INPP4B: variants seen among roughly 807,000 people sequenced by gnomAD.
INPP4B encodes inositol polyphosphate 4-phosphatase type II.
INPP4B carries 55 observed loss-of-function variants against 122.5 expected under a neutral mutation model. That is an observed-to-expected ratio of 0.45 (90% CI 0.36 to 0.56). INPP4B has a LOEUF of 0.56. Ranked by LOEUF, INPP4B falls within the 20% of genes least tolerant of loss-of-function variation. The probability of loss-of-function intolerance (pLI) is 0.00; values close to 1 mark genes in which losing one functional copy is unlikely to be tolerated. For synonymous variants in INPP4B, 403 were observed against 388.7 expected, an observed-to-expected ratio of 1.04 and a Z score of -0.43; for missense variants, 1,000 against 1,097.7, an observed-to-expected ratio of 0.91 and a Z score of 1.26.
intron 9 of INPP4B, among the ~76,000 whole-genome samples, chr4:142,273,667 T>C (rs1246787302): frequency 2.0e-5 from 3 of 151,938 alleles, no homozygotes; most frequent in Non-Finnish European, 4.4e-5. Flanking sequence ...TTTCCTTATC[T>C]TCTATAGGCT....
chr4:142,726,299 CT>C (rs1765340373), intron 1 of INPP4B, among the ~76,000 whole-genome samples: 1 of 152,156 alleles, frequency 6.6e-6, no homozygotes, highest in Non-Finnish European at 1.5e-5. Context: ...TTAAAATTAT[CT>C]AAATTGACTT....
chr4:142,411,522 T>G (rs1010833051), intron 5 of INPP4B, among the ~76,000 whole-genome samples: 1 of 152,056 alleles, frequency 6.6e-6, no homozygotes, highest in African/African-American at 2.4e-5. Context: ...ATGGGAGAGA[T>G]AAATCCATGC....
intron 9 of INPP4B, among the ~76,000 whole-genome samples, chr4:142,302,357 G>T (rs1378280423): frequency 6.6e-6 from 1 of 152,110 alleles, no homozygotes; most frequent in African/African-American, 2.4e-5. Context: ...CATTAGTAAG[G>T]TATGTGATAT....
chr4:142,279,477 A>T (rs1011212108), intron 9 of INPP4B, among the ~76,000 whole-genome samples: 7 of 151,914 alleles, frequency 4.6e-5, no homozygotes, highest in Non-Finnish European at 7.4e-5. Flanking sequence ...ACAAAGTTAC[A>T]GGCAATGGAA....
intron 2 of INPP4B, among the ~76,000 whole-genome samples, chr4:142,645,765 A>G (rs1039749853): frequency 6.6e-6 from 1 of 152,218 alleles, no homozygotes; most frequent in Non-Finnish European, 1.5e-5. Context: ...TCTATCTATA[A>G]GCCACTGCCA....
chr4:142,680,426 G>T (rs561605511), intron 2 of INPP4B, among the ~76,000 whole-genome samples: 1 of 151,720 alleles, frequency 6.6e-6, no homozygotes, highest in African/African-American at 2.4e-5. Context: ...AATCAAAAAG[G>T]CATTTACTTC....
At chr4:142,687,159 T>C (rs1251311168) in intron 2 of INPP4B, among the ~76,000 whole-genome samples, 1 of 151,950 alleles carries the variant, frequency 6.6e-6, no homozygotes, top group Admixed American at 6.6e-5. Context: ...CAAAAGAGCA[T>C]ATGAATTGAC....
At chr4:142,163,065 G>T (rs933490385) in intron 16 of INPP4B, among the ~76,000 whole-genome samples, 1 of 151,770 alleles carries the variant, frequency 6.6e-6, no homozygotes, top group African/African-American at 2.4e-5. Flanking sequence ...AAATAAATCA[G>T]CTTGAAAAGA....
chr4:142,101,395 T>C (rs1284240148), intron 23 of INPP4B, among the ~76,000 whole-genome samples: 1 of 152,152 alleles, frequency 6.6e-6, no homozygotes, highest in Non-Finnish European at 1.5e-5. Flanking sequence ...ATCACCACTA[T>C]GAAGGAAATA....
In INPP4B at chr4:142,448,329, C is replaced by CAAAA. The variant is rs71586289; in HGVS notation, c.-127+14330_-127+14333dup. Among the ~76,000 whole-genome samples the CAAAA allele has an allele frequency of 1.6e-3, 97 of 61,912 alleles. 1 individual carries two copies. The highest frequency in any genetic ancestry group is 3.8e-3 in the African/African-American group (57 of 15,126). The allele number at this position is 61,912 out of a possible 152,430, so 40.6% of individuals were successfully genotyped here. ...TCAATTATTATTTCCTATCCATCTC[C>CAAAA]AAAAAAAAAAAAAAAAAAAAAAAAC... On this transcript the variant is annotated intron_variant, in intron 3 of 25. Coordinates refer to ENST00000262992, the MANE Select transcript of INPP4B (RefSeq NM_001101669.3).
At chr4:142,782,061 C>A (rs1179435685) in intron 1 of INPP4B, among the ~76,000 whole-genome samples, 2 of 151,552 alleles carry the variant, frequency 1.3e-5, no homozygotes, top group Admixed American at 1.3e-4. Flanking sequence ...ATACATGTGC[C>A]ATGCTGGTGT....
At chr4:142,377,313 T>C (rs1279297493) in intron 7 of INPP4B, among the ~76,000 whole-genome samples, 1 of 151,520 alleles carries the variant, frequency 6.6e-6, no homozygotes, top group African/African-American at 2.4e-5. Context: ...CAAAGTAGGA[T>C]TGTGAGGAAA....
chr4:142,068,947 T>C (rs1483250180), intron 25 of INPP4B, among the ~76,000 whole-genome samples: 1 of 152,036 alleles, frequency 6.6e-6, no homozygotes, highest in Admixed American at 6.6e-5. Context: ...AACAAGGATA[T>C]CCAGGAATTG....
At chr4:142,289,692 C>G (rs1387475872) in intron 9 of INPP4B, among the ~76,000 whole-genome samples, 1 of 152,148 alleles carries the variant, frequency 6.6e-6, no homozygotes, top group African/African-American at 2.4e-5. Context: ...CCATCCATGT[C>G]CCTGCAAAGG....
intron 13 of INPP4B, among the ~76,000 whole-genome samples, 163 bp from the exon 14 acceptor site, chr4:142,208,692 T>A (rs1256207533): frequency 6.6e-6 from 1 of 152,120 alleles, no homozygotes. Context: ...TTTTTAAAAA[T>A]TGTCTCAATT....
At chr4:142,429,905 A>T (rs1204757167) in intron 4 of INPP4B, among the ~76,000 whole-genome samples, 1 of 152,098 alleles carries the variant, frequency 6.6e-6, no homozygotes, top group African/African-American at 2.4e-5. Flanking sequence ...GATGCCTAAA[A>T]TCCACACACA....
At chr4:142,397,614 CG>C (rs1194839934) in intron 7 of INPP4B, among the ~76,000 whole-genome samples, 1 of 151,952 alleles carries the variant, frequency 6.6e-6, no homozygotes, top group Non-Finnish European at 1.5e-5. Flanking sequence ...CCGAAGCGGA[CG>C]GATCACGAGG....
chr4:142,780,021 C>T (rs999809544), intron 1 of INPP4B, among the ~76,000 whole-genome samples: 1 of 152,026 alleles, frequency 6.6e-6, no homozygotes, highest in Non-Finnish European at 1.5e-5. Flanking sequence ...AATCGCAGTG[C>T]ACTTCAGAGA....
At chr4:142,030,435 A>G (rs1739130001) in intron 25 of INPP4B, 1 of 792,116 alleles carries the variant, frequency 1.3e-6, no homozygotes, top group Non-Finnish European at 1.9e-6. Context: ...ATGAAATCTT[A>G]TGGTAAATTT....
Sources: gnomAD v4.1 joint callset for allele counts (sites outside exome capture counted in the v4.1 genomes callset) on GRCh38, gnomAD v4.1.1 for gene constraint, MANE v1.5 for transcripts, NCBI Gene and HGNC (gene_info 2026-07-23, HGNC 2026-07-21) for gene names.